The following GNL3L variants were observed in gnomAD, a reference collection of about 807,000 sequenced individuals.
GNL3L encodes G protein nucleolar 3 like, also known as guanine nucleotide-binding protein-like 3-like protein.
GNL3L carries 4 observed loss-of-function variants against 42.9 expected under a neutral mutation model. The ratio of observed to expected loss-of-function variants is 0.09; its 90% CI spans 0.05 to 0.21. The LOEUF is 0.21. Ranked by LOEUF, GNL3L falls within the 10% of genes least tolerant of loss-of-function variation. The pLI, the probability that GNL3L is intolerant of heterozygous loss-of-function variation, is 1.00. For missense variants in GNL3L, 412 were observed against 481.7 expected, an observed-to-expected ratio of 0.86 and a Z score of 1.36; for synonymous variants, 159 against 176.3, an observed-to-expected ratio of 0.90 and a Z score of 0.78.
At chrX:54,577,982 A>G (rs937363269) in intron 16 of GNL3L, among the ~76,000 whole-genome samples, 23 of 111,189 alleles carry the variant, frequency 2.1e-4, no homozygotes, top group African/African-American at 2.0e-4. Context: ...GGCTCAAGCA[A>G]TCTGCCTGCC....
intron 14 of GNL3L, among the ~76,000 whole-genome samples, chrX:54,557,392 G>A (rs1925126951): frequency 9.3e-6 from 1 of 107,404 alleles, no homozygotes; most frequent in Admixed American, 9.9e-5. Flanking sequence ...CCTCCCAAGT[G>A]CCTGGGATTA....
intron 16 of GNL3L, among the ~76,000 whole-genome samples, chrX:54,607,743 T>C (rs998732050): frequency 8.9e-6 from 1 of 112,261 alleles, no homozygotes; most frequent in African/African-American, 3.2e-5. Flanking sequence ...AGCTGGTGGC[T>C]ACCTTATTGG....
downstream of GNL3L, among the ~76,000 whole-genome samples, chrX:54,626,171 C>T (rs1926360214): frequency 9.0e-6 from 1 of 110,852 alleles, no homozygotes; most frequent in Non-Finnish European, 1.9e-5. Context: ...TTAACCAAAC[C>T]CTCCCCAGTC....
At chrX:54,533,162 CA>C (rs1428738693) in intron 2 of GNL3L, among the ~76,000 whole-genome samples, 1 of 110,535 alleles carries the variant, frequency 9.0e-6, no homozygotes, top group African/African-American at 3.3e-5. Flanking sequence ...AAACATATCA[CA>C]CTGCCTGTAA....
At chrX:54,627,938 G>T in the GNL3L span, among the ~76,000 whole-genome samples, 1 of 110,247 alleles carries the variant, frequency 9.1e-6, no homozygotes, top group Non-Finnish European at 1.9e-5. Flanking sequence ...TAAGCTTCTG[G>T]TGCACCCATC....
At chrX:54,535,017 G>T (rs1257031850) in intron 2 of GNL3L, among the ~76,000 whole-genome samples, 1 of 111,902 alleles carries the variant, frequency 8.9e-6, no homozygotes, top group African/African-American at 3.3e-5. Flanking sequence ...AAGGAGACTG[G>T]TGGTCTGTTT....
At chrX:54,625,284 G>GT (rs1406022526), downstream of GNL3L, among the ~76,000 whole-genome samples, 9 of 96,506 alleles carry the variant, frequency 9.3e-5, no homozygotes, top group African/African-American at 2.0e-4. Context: ...CTCTGGTTTT[G>GT]TTTTGTTTTT....
chrX:54,594,421 C>T (rs1925907126), intron 16 of GNL3L, among the ~76,000 whole-genome samples: 2 of 110,820 alleles, frequency 1.8e-5, no homozygotes, highest in Admixed American at 9.7e-5. Context: ...ACAATTATAG[C>T]TACTCCTACT....
the GNL3L span, among the ~76,000 whole-genome samples, chrX:54,632,104 C>G: frequency 2.7e-5 from 3 of 112,083 alleles, no homozygotes; most frequent in Non-Finnish European, 3.8e-5. Context: ...GGACCTCAAT[C>G]CCTTCTAGCT....
chrX:54,628,959 A>T, the GNL3L span, among the ~76,000 whole-genome samples: 1 of 85,821 alleles, frequency 1.2e-5, no homozygotes, highest in South Asian at 4.3e-4. Flanking sequence ...TTATAATTAA[A>T]TATAAAATAT....
chrX:54,597,498 G>A (rs1214871094), intron 16 of GNL3L, among the ~76,000 whole-genome samples: 1 of 111,149 alleles, frequency 9.0e-6, no homozygotes, highest in Non-Finnish European at 1.9e-5. Context: ...AAGCTGTGCA[G>A]CCTGGGGTGA....
intron 2 of GNL3L, among the ~76,000 whole-genome samples, chrX:54,533,456 G>A (rs1924327392): frequency 9.0e-6 from 1 of 111,258 alleles, no homozygotes; most frequent in Non-Finnish European, 1.9e-5. Flanking sequence ...CAGGCTGGAT[G>A]AGGATTGTGC....
At chrX:54,560,491 A>G (rs1925228304) in intron 15 of GNL3L, 29 bp from the exon 16 acceptor site, 1 of 976,640 alleles carries the variant, frequency 1.0e-6, no homozygotes, top group Non-Finnish European at 1.5e-6. Context: ...CCAGCCACCA[A>G]AAGATTGCCT....
rs1363712856 is a variant in GNL3L, at chrX:54,562,118, T to G, written c.*1516T>G. Among the ~76,000 whole-genome samples the G allele has an allele frequency of 8.9e-6, 1 of 112,185 alleles. No individual in the cohort carries two copies. The highest frequency in any genetic ancestry group is 1.9e-5 in the Non-Finnish European group (1 of 53,253). The stretch of plus-strand genomic sequence containing the variant: ...TGGAGTGCAATGGCGTGATCTCGGC[T>G]CACTGCAACCTCTGCCTCCCGGGTT... On this transcript the variant is annotated 3_prime_UTR_variant, in exon 16 of 16. Coordinates refer to ENST00000360845, the MANE Select transcript of GNL3L (RefSeq NM_001184819.2).
At chrX:54,568,590 G>A (rs960993513), downstream of GNL3L, among the ~76,000 whole-genome samples, 3 of 103,699 alleles carry the variant, frequency 2.9e-5, no homozygotes, top group African/African-American at 1.1e-4. Context: ...CTCACACACT[G>A]TCGCCCAGGC....
chrX:54,610,278 C>T (rs1028009432), intron 16 of GNL3L, among the ~76,000 whole-genome samples: 1 of 110,937 alleles, frequency 9.0e-6, no homozygotes, highest in Middle Eastern at 4.7e-3. Context: ...TCAAGGTAAA[C>T]GATCATATCG....
chrX:54,551,805 G>A, intron 11 of GNL3L, 27 bp from the exon 12 acceptor site: 1 of 1,211,180 alleles, frequency 8.3e-7, no homozygotes, highest in Non-Finnish European at 1.1e-6. Flanking sequence ...TCCTCCTCAT[G>A]ACTTCTCTCC....
chrX:54,597,814 T>C (rs1485368590), intron 16 of GNL3L, among the ~76,000 whole-genome samples: 1 of 111,028 alleles, frequency 9.0e-6, no homozygotes, highest in South Asian at 3.8e-4. Flanking sequence ...TGGTTTTGCT[T>C]TCTGCTATAA....
At chrX:54,548,678 A>G (rs1053055710) in intron 9 of GNL3L, among the ~76,000 whole-genome samples, 3 of 110,829 alleles carry the variant, frequency 2.7e-5, no homozygotes. Context: ...GAGAAGGGCA[A>G]AGGGACTTTT....
Sources: allele counts gnomAD v4.1 joint callset (sites outside exome capture counted in the v4.1 genomes callset), GRCh38; gene constraint gnomAD v4.1.1; transcripts MANE v1.5; gene names NCBI Gene and HGNC (gene_info 2026-07-23, HGNC 2026-07-21).